The following RPGRIP1L variants were observed in gnomAD, a reference collection of about 807,000 sequenced individuals.
RPGRIP1L encodes protein fantom.
RPGRIP1L carries 131 observed loss-of-function variants against 160.4 expected under a neutral mutation model. That is an observed-to-expected ratio of 0.82 (90% CI 0.71 to 0.94). The LOEUF (loss-of-function observed/expected upper bound fraction) is 0.94, where lower values mean the gene tolerates loss of function less well. Ranked by LOEUF, RPGRIP1L falls within the 40% of genes least tolerant of loss-of-function variation. The pLI is 0.00. For synonymous variants in RPGRIP1L, 510 were observed against 515.8 expected, an observed-to-expected ratio of 0.99 and a Z score of 0.15; for missense variants, 1,522 against 1,535.8, an observed-to-expected ratio of 0.99 and a Z score of 0.15.
At chr16:53,621,260 T>A (rs1964688366) in intron 23 of RPGRIP1L, among the ~76,000 whole-genome samples, 1 of 152,036 alleles carries the variant, frequency 6.6e-6, no homozygotes, top group Non-Finnish European at 1.5e-5. Context: ...CTCTTTAAAG[T>A]TTAAAATACA....
At position 53,641,347 on chromosome 16, in the gene RPGRIP1L, T is replaced by C; in HGVS notation, c.2812A>G (p.Ser938Gly). 6.2e-7 allele frequency: 1 copy of C among 1,614,140 alleles called. No individual in the cohort carries two copies. The highest frequency in any genetic ancestry group is 8.5e-7 in the Non-Finnish European group (1 of 1,179,994). The change falls in exon 18 of 27, where the codon AGC (serine) becomes GGC (glycine). Residue 938 changes from serine to glycine, a missense_variant. Physicochemically the swap from Ser to Gly is moderately conservative, Grantham distance 56 (BLOSUM62 0). Transcript: ENST00000647211. ...CTTTGAACAACTTCTGGCTCTTCGCTGCGAATGAAATTTCCTAAGTCTTCA... is the reference window on the plus strand; with the variant it reads ...CTTTGAACAACTTCTGGCTCTTCGCCGCGAATGAAATTTCCTAAGTCTTCA... ...TTEDLGNFIR[S>G]EEPEVVQRLP...
rs1314701070 is a variant in RPGRIP1L at position 53,598,582 on chromosome 16, A to G, written c.*3494T>C. ...CTAATTCTATATTTTTAGTTTTAAA[A>G]ACACTTGTTTCTCTTGCTTTGATAT... On this transcript the variant is annotated 3_prime_UTR_variant, in exon 27 of 27. Coordinates refer to ENST00000647211, the MANE Select transcript of RPGRIP1L (RefSeq NM_015272.5). 1 of 152,184 alleles carries G rather than the reference A, an allele frequency of 6.6e-6. No homozygotes were observed. Among genetic ancestry groups the G allele is most frequent in the East Asian group, 1.9e-4 (1 of 5,200 alleles). The allele number at this position is 152,184 out of a possible 1,614,324, so 9.4% of individuals were successfully genotyped here.
In RPGRIP1L at chr16:53,652,992, A is replaced by C. The variant is rs1484511082; in HGVS notation, c.1700-5T>G. ...AGGCAATATCCTTTAATTGGGCTGCAAGAGAAGACACACAGTTTAGAGATT... is the reference window on the plus strand; with the variant it reads ...AGGCAATATCCTTTAATTGGGCTGCCAGAGAAGACACACAGTTTAGAGATT... On this transcript the variant is annotated splice_region_variant and splice_polypyrimidine_tract_variant and intron_variant, in intron 14 of 26. Coordinates refer to ENST00000647211, the MANE Select transcript of RPGRIP1L (RefSeq NM_015272.5). 1 of 1,606,124 alleles carries C rather than the reference A, an allele frequency of 6.2e-7. No homozygotes were observed. Among genetic ancestry groups the C allele is most frequent in the East Asian group, 2.2e-5 (1 of 44,862 alleles).
chr16:53,690,242 G>C (rs1233445928), intron 4 of RPGRIP1L, among the ~76,000 whole-genome samples: 1 of 152,134 alleles, frequency 6.6e-6, no homozygotes, highest in Non-Finnish European at 1.5e-5. Flanking sequence ...TGTCGCCCAG[G>C]TTGGAGTGCA....
intron 22 of RPGRIP1L, chr16:53,635,415 G>C (rs919821724): frequency 3.3e-5 from 5 of 152,132 alleles, no homozygotes; most frequent in African/African-American, 1.2e-4. Flanking sequence ...TTTCATGGAG[G>C]AATCTGTGAC....
Position 53,686,503 on chromosome 16 carries a change from A to C in RPGRIP1L, c.706T>G (p.Leu236Val). The C allele has an allele frequency of 6.2e-7, 1 of 1,613,678 alleles. No individual in the cohort carries two copies. Among genetic ancestry groups the C allele is most frequent in the Non-Finnish European group, 8.5e-7 (1 of 1,179,750 alleles). ...EHLAEILKTQLRRKENEIELS... is the reference protein window; with the variant it reads ...EHLAEILKTQVRRKENEIELS... ...TCAATTTCATTTTCTTTTCTCCTCA[A>C]CTGAGTTTTCAGGATCTCAGCCAAG... Residue 236 changes from leucine (L) to valine (V), a missense_variant, in exon 6 of 27, where the codon TTG (leucine) becomes GTG (valine). Physicochemically the swap from Leu to Val is conservative, Grantham distance 32. Coordinates refer to ENST00000647211, the MANE Select transcript of RPGRIP1L (RefSeq NM_015272.5).
chr16:53,624,663 G>A (rs1056687184), intron 22 of RPGRIP1L, among the ~76,000 whole-genome samples: 4 of 152,094 alleles, frequency 2.6e-5, no homozygotes, highest in Non-Finnish European at 5.9e-5. Flanking sequence ...TCTCAAGACA[G>A]GTGAATATTG....
intron 1 of RPGRIP1L, among the ~76,000 whole-genome samples, chr16:53,701,051 G>C (rs1971353506): frequency 1.3e-5 from 2 of 152,122 alleles, no homozygotes; most frequent in Non-Finnish European, 2.9e-5. Context: ...AAAAAACTCA[G>C]GTCAGGAACT....
At chr16:53,648,630 A>G (rs868434538) in intron 16 of RPGRIP1L, among the ~76,000 whole-genome samples, 8 of 148,856 alleles carry the variant, frequency 5.4e-5, no homozygotes, top group East Asian at 2.0e-4. Context: ...GCGCGCGCAC[A>G]CACACACACA....
chr16:53,642,191 T>A (rs1966263731), intron 17 of RPGRIP1L, among the ~76,000 whole-genome samples: 6 of 152,092 alleles, frequency 3.9e-5, no homozygotes, highest in South Asian at 2.1e-4. Flanking sequence ...TTTTTATTTT[T>A]TTTTTTAAAT....
rs776026998 is a variant in RPGRIP1L, at chr16:53,605,468, C to T, written c.3835+13G>A. On this transcript the variant is annotated intron_variant, in intron 26 of 26. Transcript: ENST00000647211. Reference sequence around the variant, plus strand: ...TGTTGGTTGCACAAACTGAGCAACACTTTCACCCATACCATCGATATTTTG... The same window carrying T: ...TGTTGGTTGCACAAACTGAGCAACATTTTCACCCATACCATCGATATTTTG... 6.2e-7 allele frequency: 1 copy of T among 1,614,160 alleles called. No homozygotes were observed. The highest frequency in any genetic ancestry group is 8.5e-7 in the Non-Finnish European group (1 of 1,180,000).
intron 17 of RPGRIP1L, among the ~76,000 whole-genome samples, chr16:53,643,862 T>A (rs2151073271): frequency 6.6e-6 from 1 of 152,262 alleles, no homozygotes; most frequent in South Asian, 2.1e-4. Flanking sequence ...ATGTACTGCA[T>A]ACACAGCAAA....
At chr16:53,672,008 A>G (rs978165489) in intron 8 of RPGRIP1L, among the ~76,000 whole-genome samples, 1 of 152,120 alleles carries the variant, frequency 6.6e-6, no homozygotes, top group African/African-American at 2.4e-5. Flanking sequence ...TCATGGTTCA[A>G]ATTGTGTTGT....
At chr16:53,692,577 T>C (rs780752043) in intron 3 of RPGRIP1L, among the ~76,000 whole-genome samples, 13 of 152,180 alleles carry the variant, frequency 8.5e-5, no homozygotes, top group East Asian at 1.9e-4. Context: ...CAAATAACAG[T>C]TTCCTAAGGC....
intron 6 of RPGRIP1L, 122 bp from the exon 7 acceptor site, chr16:53,675,244 ATCAG>A: frequency 1.5e-6 from 1 of 681,380 alleles, no homozygotes; most frequent in Non-Finnish European, 2.6e-6. Flanking sequence ...ATACTTGTAC[ATCAG>A]TCAATGAGGT....
chr16:53,679,355 A>G (rs985328473), intron 6 of RPGRIP1L, among the ~76,000 whole-genome samples: 1 of 152,106 alleles, frequency 6.6e-6, no homozygotes, highest in Admixed American at 6.6e-5. Context: ...GTCAAGTTTA[A>G]TGGATTCCAA....
Position 53,615,086 on chromosome 16 carries a change from A to G in RPGRIP1L, c.3616+3939T>C, listed in dbSNP as rs183822825. ...TTATCTTTGCCAAATTTCTCCTCCT[A>G]TTAGTCACAAAATCTGATGTTTCAC... On this transcript the variant is annotated intron_variant, in intron 24 of 26. Coordinates refer to ENST00000647211, the MANE Select transcript of RPGRIP1L (RefSeq NM_015272.5). 2.9e-3 allele frequency among the ~76,000 whole-genome samples: 435 copies of G among 152,324 alleles called. 5 individuals carry two copies. The highest frequency in any genetic ancestry group is 0.01 in the African/African-American group (418 of 41,578).
In RPGRIP1L at chr16:53,690,373, T is replaced by A. The variant is rs112669045; in HGVS notation, c.529+1693A>T. Among the ~76,000 whole-genome samples, 27 of 152,236 alleles carry A rather than the reference T, an allele frequency of 1.8e-4. 2 individuals carry two copies. The highest frequency in any genetic ancestry group is 5.2e-4 in the Admixed American group (8 of 15,286). ...CACCAAGCCCAGCTAATTTTTTGTATTTTTAGTAGAGATGGGGTTTCACCG... is the reference window on the plus strand; with the variant it reads ...CACCAAGCCCAGCTAATTTTTTGTAATTTTAGTAGAGATGGGGTTTCACCG... On this transcript the variant is annotated intron_variant, in intron 4 of 26. Transcript: ENST00000647211.
In RPGRIP1L at chr16:53,622,366, A is replaced by C. The variant is rs1379401600; in HGVS notation, c.3295-10T>G. 7.2e-6 allele frequency: 4 copies of C among 555,076 alleles called. No homozygotes were observed. Among genetic ancestry groups the C allele is most frequent in the South Asian group, 2.3e-5 (1 of 44,082 alleles). The allele number at this position is 555,076 out of a possible 1,614,324, so 34.4% of individuals were successfully genotyped here. On this transcript the variant is annotated splice_polypyrimidine_tract_variant and intron_variant, in intron 22 of 26. Coordinates refer to ENST00000647211, the MANE Select transcript of RPGRIP1L (RefSeq NM_015272.5). ...GAGACAATGCGAGACTCTGTCTCAA[A>C]AAAAAAAAAAAAATCTTAAGATTAA... is the stretch of plus-strand genomic sequence containing the variant.
Sources: gnomAD v4.1 joint callset for allele counts (sites outside exome capture counted in the v4.1 genomes callset) on GRCh38, gnomAD v4.1.1 for gene constraint, MANE v1.5 for transcripts, NCBI Gene and HGNC (gene_info 2026-07-23, HGNC 2026-07-21) for gene names.